Variants in FAM120AOS observed in about 807,000 individuals in gnomAD.
FAM120AOS encodes uncharacterized protein FAM120AOS.
FAM120AOS carries 15 observed loss-of-function variants against 20.2 expected under a neutral mutation model. That is an observed-to-expected ratio of 0.74 (90% CI 0.50 to 1.15). FAM120AOS has a LOEUF of 1.15. Among genes scored for constraint, FAM120AOS ranks in the 50% most tolerant of loss-of-function variants. The pLI, the probability that FAM120AOS is intolerant of heterozygous loss-of-function variation, is 0.00. For synonymous variants in FAM120AOS, 154 were observed against 154.0 expected, an observed-to-expected ratio of 1.00 and a Z score of 0.00; for missense variants, 327 against 351.9, an observed-to-expected ratio of 0.93 and a Z score of 0.57.
chr9:93,449,266 A>T (rs1856983569), intron 2 of FAM120AOS, among the ~76,000 whole-genome samples: 1 of 152,206 alleles, frequency 6.6e-6, no homozygotes, highest in Non-Finnish European at 1.5e-5. Flanking sequence ...TGGCAGGCAC[A>T]CAGGTTATCT....
At chr9:93,448,441 T>C (rs1315202880) in intron 2 of FAM120AOS, 1 of 227,966 alleles carries the variant, frequency 4.4e-6, no homozygotes, top group East Asian at 1.6e-4. Context: ...TGCAGTGAGC[T>C]GAGAACACAT....
chr9:93,443,927 CAG>C lies in FAM120AOS; in HGVS notation c.*3682_*3683del, dbSNP rs775802418. 6.6e-6 allele frequency among the ~76,000 whole-genome samples: 1 copy of C among 152,136 alleles called. No individual in the cohort carries two copies. The highest frequency in any genetic ancestry group is 2.4e-5 in the African/African-American group (1 of 41,442). On this transcript the variant is annotated 3_prime_UTR_variant, in exon 3 of 3. Transcript: ENST00000375412. ...AAAGGAACGCCCCTCAGGCAGAAAG[CAG>C]AGAGAGAAAAAAAGATGGATTATTT...
At position 93,445,394 on chromosome 9, in the gene FAM120AOS, G is replaced by T. The variant is rs1856813139; in HGVS notation, c.*2217C>A. On this transcript the variant is annotated 3_prime_UTR_variant, in exon 3 of 3. Coordinates refer to ENST00000375412, the MANE Select transcript of FAM120AOS (RefSeq NM_198841.4). ...ATACTGTTTTCACTGCCAGGCTGGG[G>T]ACTCTTAGTACCTAAGTTTGGTCCA... Among the ~76,000 whole-genome samples the T allele has an allele frequency of 6.6e-6, 1 of 152,160 alleles. No homozygotes were observed. Among genetic ancestry groups the T allele is most frequent in the African/African-American group, 2.4e-5 (1 of 41,498 alleles).
At chr9:93,451,507 C>G (rs1857190264) in intron 1 of FAM120AOS, 1 of 1,012,402 alleles carries the variant, frequency 9.9e-7, no homozygotes, top group East Asian at 9.4e-5. Context: ...GGATCCCGTC[C>G]CGGCCCAACT....
chr9:93,451,560 G>A (rs1425999183), intron 1 of FAM120AOS: 21 of 984,272 alleles, frequency 2.1e-5, no homozygotes, highest in Admixed American at 6.2e-5. Flanking sequence ...GCCCCGAGCC[G>A]CGTCCCGCCG....
chr9:93,445,168 G>T lies in FAM120AOS; in HGVS notation c.*2443C>A, dbSNP rs548787654. 6.6e-6 allele frequency among the ~76,000 whole-genome samples: 1 copy of T among 152,138 alleles called. No homozygotes were observed. Among genetic ancestry groups the T allele is most frequent in the East Asian group, 1.9e-4 (1 of 5,162 alleles). ...TATCTTCTAGGACAGGGTACAGTAAGTCTTACCAAACATGTAAGACATGTT... is the reference window on the plus strand; with the variant it reads ...TATCTTCTAGGACAGGGTACAGTAATTCTTACCAAACATGTAAGACATGTT... On this transcript the variant is annotated 3_prime_UTR_variant, in exon 3 of 3. Coordinates refer to ENST00000375412, the MANE Select transcript of FAM120AOS (RefSeq NM_198841.4).
At chr9:93,447,798 T>C in intron 2 of FAM120AOS, 101 bp from the exon 3 acceptor site, 1 of 1,013,948 alleles carries the variant, frequency 9.9e-7, no homozygotes, top group Non-Finnish European at 1.5e-6. Context: ...TGTGGAGCTC[T>C]CCTACCCTCT....
intron 1 of FAM120AOS, chr9:93,450,880 A>G: frequency 1.1e-6 from 1 of 951,526 alleles, no homozygotes; most frequent in Non-Finnish European, 1.7e-6. Context: ...ATCCACTGCA[A>G]AGGCGCACGT....
rs1856761594 is a variant in FAM120AOS, at chr9:93,443,587, T to C, written c.*4024A>G. 6.6e-6 allele frequency among the ~76,000 whole-genome samples: 1 copy of C among 152,194 alleles called. No individual in the cohort carries two copies. The highest frequency in any genetic ancestry group is 1.9e-4 in the East Asian group (1 of 5,200). On this transcript the variant is annotated 3_prime_UTR_variant, in exon 3 of 3. Coordinates refer to ENST00000375412, the MANE Select transcript of FAM120AOS (RefSeq NM_198841.4). Reference sequence around the variant, plus strand: ...GAAGAATGTTTCTTTTTTTTCTGTTTTGTCAGGCAATCAGCCTCGTTAGCC... The same window carrying C: ...GAAGAATGTTTCTTTTTTTTCTGTTCTGTCAGGCAATCAGCCTCGTTAGCC...
In FAM120AOS at chr9:93,450,470, C is replaced by A; in HGVS notation, c.684+9G>T. The A allele has an allele frequency of 6.4e-7, 1 of 1,556,572 alleles. No homozygotes were observed. The highest frequency in any genetic ancestry group is 8.7e-7 in the Non-Finnish European group (1 of 1,154,020). On this transcript the variant is annotated intron_variant, in intron 2 of 2. Transcript: ENST00000375412. ...GTATCAGAAAAGAAAGCAGAAAAATCCAACTTGCCTTTTTCACCGGGAGTA... is the reference window on the plus strand; with the variant it reads ...GTATCAGAAAAGAAAGCAGAAAAATACAACTTGCCTTTTTCACCGGGAGTA...
rs570946888 is a variant in FAM120AOS at position 93,446,662 on chromosome 9, T to C, written c.*949A>G. 4.6e-5 allele frequency: 7 copies of C among 152,324 alleles called. No homozygotes were observed. Among genetic ancestry groups the C allele is most frequent in the South Asian group, 2.1e-4 (1 of 4,830 alleles). The allele number at this position is 152,324 out of a possible 1,614,324, so 9.4% of individuals were successfully genotyped here. A position where few individuals can be genotyped will look rare whatever the true frequency, so the allele number is the denominator to read the frequency against. ...CCTGTCAGTTTGTCCATTGATTCCA[T>C]AGCAGCTCTCACTGCCCACCCTGCT... On this transcript the variant is annotated 3_prime_UTR_variant, in exon 3 of 3. Coordinates refer to ENST00000375412, the MANE Select transcript of FAM120AOS (RefSeq NM_198841.4).
Position 93,447,569 on chromosome 9 carries a change from T to C in FAM120AOS, c.*42A>G, listed in dbSNP as rs1467017959. On this transcript the variant is annotated 3_prime_UTR_variant, in exon 3 of 3. Transcript: ENST00000375412. The stretch of plus-strand genomic sequence containing the variant: ...TCACACGATGGGTATCAGGGTGGTT[T>C]CTTGTCCTTTCAATGCCTCTGCAGA... 6.3e-7 allele frequency: 1 copy of C among 1,575,822 alleles called. No homozygotes were observed. Among genetic ancestry groups the C allele is most frequent in the Admixed American group, 1.7e-5 (1 of 59,170 alleles).
intron 1 of FAM120AOS, 23 bp from the exon 2 acceptor site, chr9:93,450,622 G>A: frequency 6.2e-7 from 1 of 1,606,880 alleles, no homozygotes; most frequent in East Asian, 2.2e-5. Context: ...AACAAATGGA[G>A]AGATGAAGGT....
In FAM120AOS at chr9:93,443,787, G is replaced by A. The variant is rs1436798360; in HGVS notation, c.*3824C>T. Among the ~76,000 whole-genome samples the A allele has an allele frequency of 6.6e-6, 1 of 152,088 alleles. No homozygotes were observed. Among genetic ancestry groups the A allele is most frequent in the African/African-American group, 2.4e-5 (1 of 41,402 alleles). On this transcript the variant is annotated 3_prime_UTR_variant, in exon 3 of 3. Transcript: ENST00000375412. ...CTCTTTTCAGGTCTTTGCTCTTCAG[G>A]ATTTCCCCCCAGACTCCCTGGCACC...
At chr9:93,451,254 G>A in intron 1 of FAM120AOS, 1 of 1,503,854 alleles carries the variant, frequency 6.6e-7, no homozygotes. Flanking sequence ...CGAACAGAGT[G>A]ACTCGGCCTC....
At chr9:93,449,064 T>G (rs1856974692) in intron 2 of FAM120AOS, among the ~76,000 whole-genome samples, 1 of 151,966 alleles carries the variant, frequency 6.6e-6, no homozygotes, top group Non-Finnish European at 1.5e-5. Flanking sequence ...ATAAAGTTTT[T>G]TTTTTTTTTT....
Position 93,446,825 on chromosome 9 carries a change from A to AC in FAM120AOS, c.*785_*786insG, listed in dbSNP as rs1856860825. 1 of 152,256 alleles carries AC rather than the reference A, an allele frequency of 6.6e-6. No homozygotes were observed. The highest frequency in any genetic ancestry group is 1.5e-5 in the Non-Finnish European group (1 of 68,068). 9.4% of individuals were successfully genotyped at this position (152,256 alleles called of 1,614,324 possible). A position where few individuals can be genotyped will look rare whatever the true frequency, so the allele number is the denominator to read the frequency against. On this transcript the variant is annotated 3_prime_UTR_variant, in exon 3 of 3. Transcript: ENST00000375412. Reference sequence around the variant, plus strand: ...GGACACAAGTTTGGTGAACACGGTAAGAAAAAAACAAACCAAGCAACAAAA... The same window carrying AC: ...GGACACAAGTTTGGTGAACACGGTAACGAAAAAAACAAACCAAGCAACAAAA...
At position 93,444,350 on chromosome 9, in the gene FAM120AOS, C is replaced by T. The variant is rs114312655; in HGVS notation, c.*3261G>A. ...CCACCGTGTCCAGCCTGACTAGGGTCATCTTTAGGTCAGGACTGAGAGAGA... is the reference window on the plus strand; with the variant it reads ...CCACCGTGTCCAGCCTGACTAGGGTTATCTTTAGGTCAGGACTGAGAGAGA... On this transcript the variant is annotated 3_prime_UTR_variant, in exon 3 of 3. Coordinates refer to ENST00000375412, the MANE Select transcript of FAM120AOS (RefSeq NM_198841.4). Among the ~76,000 whole-genome samples the T allele has an allele frequency of 6.6e-6, 1 of 151,890 alleles. No homozygotes were observed. Among genetic ancestry groups the T allele is most frequent in the African/African-American group, 2.4e-5 (1 of 41,338 alleles).
intron 1 of FAM120AOS, chr9:93,451,069 A>G: frequency 6.4e-7 from 1 of 1,550,612 alleles, no homozygotes; most frequent in Non-Finnish European, 8.7e-7. Context: ...CGAGAGCCCG[A>G]AGCTGCTGGG....
Sources: gnomAD v4.1 joint callset for allele counts (sites outside exome capture counted in the v4.1 genomes callset) on GRCh38, gnomAD v4.1.1 for gene constraint, MANE v1.5 for transcripts, NCBI Gene and HGNC (gene_info 2026-07-23, HGNC 2026-07-21) for gene names.